PRICKLE2: variants seen among roughly 807,000 people sequenced by gnomAD.
PRICKLE2 encodes the protein prickle-like protein 2.
Under a neutral mutation model 81.4 loss-of-function variants are expected in PRICKLE2, and 21 were observed. The observed-to-expected ratio is 0.26, with a 90% CI of 0.18 to 0.37. PRICKLE2 has a LOEUF of 0.37. PRICKLE2 is among the 10% of genes least tolerant of loss of function. PRICKLE2 has a pLI of 1.00. For synonymous variants in PRICKLE2, 456 were observed against 421.5 expected (o/e 1.08, Z -1.00); for missense variants, 940 against 1,109.0 (o/e 0.85, Z 2.16).
chr3:64,168,821 T>G (rs1024154984), intron 2 of PRICKLE2, among the ~76,000 whole-genome samples: 1 of 152,214 alleles, frequency 6.6e-6, no homozygotes, highest in African/African-American at 2.4e-5. Flanking sequence ...ACAGAAACGA[T>G]GAACACATTT....
Position 64,147,337 on chromosome 3 carries a change from T to A in PRICKLE2, c.1153A>T (p.Thr385Ser). Reference sequence around the variant, plus strand: ...ATGGGGTCCCGGTTGAGGCTGGGTGTCTGGCTGGACAGGCTGAGCATGTCC... The same window carrying A: ...ATGGGGTCCCGGTTGAGGCTGGGTGACTGGCTGGACAGGCTGAGCATGTCC... ...QMDMLSLSSQTPSLNRDPIWR... is the reference protein window; with the variant it reads ...QMDMLSLSSQSPSLNRDPIWR... The change falls in exon 7 of 8, where the codon ACA becomes TCA. Residue 385 changes from threonine to serine, a missense_variant. Thr to Ser is a moderately conservative substitution (Grantham distance 58). Coordinates refer to ENST00000638394, the MANE Select transcript of PRICKLE2 (RefSeq NM_198859.4). This position sits in a 1 kb window ranked among gnomAD's most constrained non-coding sequence, Gnocchi z 5.0. 1 of 1,614,176 alleles carries A rather than the reference T, an allele frequency of 6.2e-7. No individual in the cohort carries two copies.
At chr3:64,160,961 AAC>A (rs577722565) in intron 3 of PRICKLE2, among the ~76,000 whole-genome samples, 243 of 32,076 alleles carry the variant, frequency 7.6e-3, no homozygotes, top group Non-Finnish European at 0.018. Flanking sequence ...AACAAAAACA[AAC>A]AAACAAACAA....
chr3:64,247,668 A>G (rs1364648222), intron 2 of PRICKLE2, among the ~76,000 whole-genome samples: 1 of 152,242 alleles, frequency 6.6e-6, no homozygotes, highest in Non-Finnish European at 1.5e-5. Context: ...ACTGTAGATC[A>G]TAACTTAAAC....
chr3:64,147,233 G>A lies in PRICKLE2; in HGVS notation c.1257C>T (p.Leu419=), dbSNP rs2077471518. 6.2e-7 allele frequency: 1 copy of A among 1,609,442 alleles called. No homozygotes were observed. Among genetic ancestry groups the A allele is most frequent in the Admixed American group, 1.7e-5 (1 of 59,732 alleles). ...QNQTQSPLQL[L]SQCNIRTSYS... ...AGGAAGTTCTGATGTTGCACTGGCT[G>A]AGGAGCTGCAGAGGGCTCTGGGTCT... The change falls in exon 7 of 8, where the codon CTC becomes CTT. Residue 419 remains leucine (L), a synonymous_variant. Coordinates refer to ENST00000638394, the MANE Select transcript of PRICKLE2 (RefSeq NM_198859.4). This position sits in a 1 kb window ranked among gnomAD's most constrained non-coding sequence, Gnocchi z 5.0.
At position 64,163,078 on chromosome 3, in the gene PRICKLE2, T is replaced by C; in HGVS notation, c.196A>G (p.Ser66Gly). Residue 66 changes from serine (S) to glycine (G), a missense_variant, in exon 3 of 8, where the codon AGT (serine) becomes GGT (glycine). Ser to Gly is a moderately conservative substitution (Grantham distance 56). Coordinates refer to ENST00000638394, the MANE Select transcript of PRICKLE2 (RefSeq NM_198859.4). ...LPEEKVPYVN[S>G]PGEKLRIKQL... The stretch of plus-strand genomic sequence containing the variant: ...TTGATTCGCAGTTTCTCTCCAGGAC[T>C]GTTGACATAAGGGACTTTCTCTTCT... 3 of 1,614,054 alleles carry C rather than the reference T, an allele frequency of 1.9e-6. No individual in the cohort carries two copies. The highest frequency in any genetic ancestry group is 2.5e-6 in the Non-Finnish European group (3 of 1,179,930).
chr3:64,220,372 C>T (rs1260565125), intron 1 of PRICKLE2, among the ~76,000 whole-genome samples: 2 of 152,164 alleles, frequency 1.3e-5, no homozygotes, highest in African/African-American at 4.8e-5. Context: ...CAATAGCACT[C>T]CCAGTGTGAG....
At chr3:64,215,845 A>T (rs1026745913) in intron 1 of PRICKLE2, among the ~76,000 whole-genome samples, 12 of 152,350 alleles carry the variant, frequency 7.9e-5, no homozygotes, top group Non-Finnish European at 5.9e-5. Context: ...GCAAAATGTC[A>T]AGTATTTGAA....
At chr3:64,245,559 G>A (rs768625641) in intron 2 of PRICKLE2, among the ~76,000 whole-genome samples, 52 of 152,192 alleles carry the variant, frequency 3.4e-4, no homozygotes, top group Non-Finnish European at 6.3e-4. Context: ...GGTGACGTGT[G>A]TTGCAACAGA....
At chr3:64,145,582 G>A (rs1371749106) in intron 7 of PRICKLE2, 1 of 151,596 alleles carries the variant, frequency 6.6e-6, no homozygotes, top group Non-Finnish European at 1.5e-5. Context: ...GGAGAGAGAA[G>A]CATGCCATTA....
At chr3:64,221,254 T>C (rs1464101982) in intron 1 of PRICKLE2, among the ~76,000 whole-genome samples, 38 of 152,110 alleles carry the variant, frequency 2.5e-4, no homozygotes, top group Non-Finnish European at 1.3e-4. Context: ...CCTTGCTTTT[T>C]TCTCCTCTGC....
At chr3:64,146,793 C>A (rs767988173) in intron 7 of PRICKLE2, 37 bp downstream of exon 7, 1 of 1,612,428 alleles carries the variant, frequency 6.2e-7, no homozygotes, top group South Asian at 1.1e-5. Context: ...CAGAGACTAC[C>A]CCCTTTCTAT....
At chr3:64,265,136 CCAA>C (rs962266739) in intron 2 of PRICKLE2, among the ~76,000 whole-genome samples, 5 of 152,018 alleles carry the variant, frequency 3.3e-5, no homozygotes, top group African/African-American at 9.7e-5. Flanking sequence ...AAAAACATCA[CCAA>C]CAAAACAAAA....
At chr3:64,206,376 A>C (rs996636336) in intron 1 of PRICKLE2, among the ~76,000 whole-genome samples, 1 of 152,228 alleles carries the variant, frequency 6.6e-6, no homozygotes, top group Non-Finnish European at 1.5e-5. Context: ...TGGTCTCAGC[A>C]ACTCTGGGCA....
chr3:64,144,368 C>G (rs1281126201), intron 7 of PRICKLE2, among the ~76,000 whole-genome samples: 1 of 152,210 alleles, frequency 6.6e-6, no homozygotes, highest in Non-Finnish European at 1.5e-5. Context: ...TCCTCCCTCA[C>G]AGTGTTATGA....
intron 7 of PRICKLE2, among the ~76,000 whole-genome samples, chr3:64,137,353 C>A (rs571307702): frequency 1.8e-4 from 27 of 152,258 alleles, no homozygotes; most frequent in Admixed American, 2.6e-4. Flanking sequence ...GAACCCATCA[C>A]GACACACCAC....
At chr3:64,207,031 C>A (rs932887085) in intron 1 of PRICKLE2, among the ~76,000 whole-genome samples, 1 of 152,132 alleles carries the variant, frequency 6.6e-6, no homozygotes, top group African/African-American at 2.4e-5. Context: ...TCCTGAGAAG[C>A]TGGGACTAAA....
intron 7 of PRICKLE2, among the ~76,000 whole-genome samples, chr3:64,126,728 C>T (rs1373529410): frequency 3.3e-5 from 5 of 152,160 alleles, no homozygotes; most frequent in Non-Finnish European, 7.3e-5. Context: ...CAGGTGCACA[C>T]CACTGCACCT....
chr3:64,150,162 T>A (rs2077522348), intron 6 of PRICKLE2, among the ~76,000 whole-genome samples: 1 of 151,984 alleles, frequency 6.6e-6, no homozygotes. Flanking sequence ...TCTGTAGTAG[T>A]TAAGCATAAG....
At chr3:64,155,920 T>TTTTCATCAAC (rs377293403) in intron 5 of PRICKLE2, among the ~76,000 whole-genome samples, 51 of 152,296 alleles carry the variant, frequency 3.3e-4, no homozygotes, top group Middle Eastern at 6.8e-3. Flanking sequence ...CTTTAGTTGA[T>TTTTCATCAAC]GAAAATGGTC....
Sources: allele counts gnomAD v4.1 joint callset (sites outside exome capture counted in the v4.1 genomes callset), GRCh38; gene constraint gnomAD v4.1.1; non-coding constraint Gnocchi (gnomAD v3.1); transcripts MANE v1.5; gene names NCBI Gene and HGNC (gene_info 2026-07-23, HGNC 2026-07-21).